The following MCC variants were observed in gnomAD, a reference collection of about 807,000 sequenced individuals.
MCC encodes MCC regulator of Wnt signaling pathway.
A neutral mutation model predicts 116.2 loss-of-function variants in MCC; 90 were observed. That is an observed-to-expected ratio of 0.77 (90% CI 0.65 to 0.92). The LOEUF is 0.92. MCC is among the 40% of genes least tolerant of loss of function. The pLI is 0.00. For missense variants in MCC, 1,516 were observed against 1,312.2 expected (o/e 1.16, Z -2.40); for synonymous variants, 578 against 510.5 (o/e 1.13, Z -1.78).
chr5:113,159,935 A>G (rs935160), intron 3 of MCC, among the ~76,000 whole-genome samples: 138,173 of 152,272 alleles, frequency 0.91, 63,038 homozygotes, highest in Non-Finnish European at 0.96. Flanking sequence ...TGTGTGCCCT[A>G]GATCAACTCA....
At chr5:113,467,571 G>C (rs1771948255) in intron 1 of MCC, among the ~76,000 whole-genome samples, 1 of 152,106 alleles carries the variant, frequency 6.6e-6, no homozygotes, top group African/African-American at 2.4e-5. Context: ...GTACCACGCT[G>C]TTTTGGTTAC....
chr5:113,202,270 G>T (rs1301436118), intron 3 of MCC, among the ~76,000 whole-genome samples: 5 of 152,002 alleles, frequency 3.3e-5, no homozygotes, highest in Admixed American at 1.3e-4. Flanking sequence ...CAATCCCGGG[G>T]TTGTGCTGGA....
chr5:113,100,473 T>TTC, intron 8 of MCC, among the ~76,000 whole-genome samples: 1 of 130,614 alleles, frequency 7.7e-6, no homozygotes, highest in East Asian at 2.1e-4. Flanking sequence ...CCTTTTTTTT[T>TTC]TTTTTTTTTT....
At chr5:113,078,197 C>A (rs558470989) in intron 11 of MCC, among the ~76,000 whole-genome samples, 1 of 152,124 alleles carries the variant, frequency 6.6e-6, no homozygotes, top group South Asian at 2.1e-4. Context: ...CAGGACCAGA[C>A]AGATTCACAG....
intron 2 of MCC, among the ~76,000 whole-genome samples, chr5:113,351,448 A>G (rs1768265843): frequency 6.6e-6 from 1 of 152,194 alleles, no homozygotes; most frequent in African/African-American, 2.4e-5. Flanking sequence ...ACAGAAAGAC[A>G]AATTTCACAT....
At chr5:113,143,467 T>A (rs1170199242) in intron 4 of MCC, 107 bp from the exon 5 acceptor site, 1 of 1,175,456 alleles carries the variant, frequency 8.5e-7, no homozygotes, top group African/African-American at 1.6e-5. Context: ...ACACTGAGTA[T>A]GCCCCAAATA....
At chr5:113,161,077 T>A (rs1760456915) in intron 3 of MCC, among the ~76,000 whole-genome samples, 1 of 152,348 alleles carries the variant, frequency 6.6e-6, no homozygotes, top group South Asian at 2.1e-4. Context: ...AATAAGTTAT[T>A]ATTTTCCACT....
At chr5:113,334,097 AATCT>A (rs141947702) in intron 3 of MCC, among the ~76,000 whole-genome samples, 2,321 of 148,016 alleles carry the variant, frequency 0.016, 133 homozygotes, top group African/African-American at 0.056. Flanking sequence ...TAGCTGACAG[AATCT>A]ATCTAGACAT....
chr5:113,053,694 G>A (rs992866851), intron 15 of MCC, 31 bp downstream of exon 15: 3 of 1,522,478 alleles, frequency 2.0e-6, no homozygotes, highest in African/African-American at 2.7e-5. Flanking sequence ...CCTGGTGGCA[G>A]CCTAGCACAT....
chr5:113,349,197 C>G (rs529294699), intron 2 of MCC, among the ~76,000 whole-genome samples: 1 of 152,106 alleles, frequency 6.6e-6, no homozygotes, highest in Admixed American at 6.5e-5. Context: ...CATACTCATT[C>G]TATGAGGCCA....
At chr5:113,134,555 C>CTTTTTTTTTTTTTTTTTTT in intron 5 of MCC, among the ~76,000 whole-genome samples, 1 of 30,126 alleles carries the variant, frequency 3.3e-5, no homozygotes. Flanking sequence ...GCTATTTGGG[C>CTTTTTTTTTTTTTTTTTTT]TTTTTTTTTT....
intron 1 of MCC, among the ~76,000 whole-genome samples, chr5:113,421,582 CT>C (rs1770335308): frequency 6.6e-6 from 1 of 152,164 alleles, no homozygotes; most frequent in Non-Finnish European, 1.5e-5. Context: ...AAAAACTTCA[CT>C]TTTCCAAGCT....
At chr5:113,391,158 AAGG>A (rs1183224810) in intron 1 of MCC, among the ~76,000 whole-genome samples, 3 of 152,224 alleles carry the variant, frequency 2.0e-5, no homozygotes, top group African/African-American at 7.2e-5. Flanking sequence ...TTTAAGAAAA[AAGG>A]AGAAGAAGTT....
intron 7 of MCC, among the ~76,000 whole-genome samples, chr5:113,102,566 G>A (rs996542113): frequency 6.6e-6 from 1 of 152,160 alleles, no homozygotes; most frequent in African/African-American, 2.4e-5. Flanking sequence ...AGACAGCAGG[G>A]ATTAAATTAA....
At chr5:113,158,500 T>G (rs755390181) in intron 3 of MCC, among the ~76,000 whole-genome samples, 1 of 152,228 alleles carries the variant, frequency 6.6e-6, no homozygotes, top group Non-Finnish European at 1.5e-5. Context: ...TCTGCGAATA[T>G]TCTTGAGAAT....
At chr5:113,271,736 C>T (rs1223636993) in intron 3 of MCC, among the ~76,000 whole-genome samples, 1 of 152,180 alleles carries the variant, frequency 6.6e-6, no homozygotes, top group Non-Finnish European at 1.5e-5. Context: ...GGATTAATGA[C>T]ATTTATCAGG....
At chr5:113,131,667 C>T (rs972836877) in intron 5 of MCC, among the ~76,000 whole-genome samples, 2 of 152,108 alleles carry the variant, frequency 1.3e-5, no homozygotes, top group Non-Finnish European at 2.9e-5. Flanking sequence ...CTGTGATCCC[C>T]TCAGAGATCA....
intron 3 of MCC, among the ~76,000 whole-genome samples, chr5:113,154,763 C>A (rs1256056500): frequency 1.3e-5 from 2 of 152,116 alleles, no homozygotes; most frequent in Non-Finnish European, 2.9e-5. Context: ...AACTTTTTTA[C>A]TGAAATATAA....
chr5:113,132,427 CAT>C (rs1162820789), intron 5 of MCC, among the ~76,000 whole-genome samples: 61,270 of 108,612 alleles, frequency 0.56, 16,790 homozygotes, highest in East Asian at 0.7. Flanking sequence ...TACACACATA[CAT>C]ATATATATAT....
Sources: allele counts gnomAD v4.1 joint callset (sites outside exome capture counted in the v4.1 genomes callset), GRCh38; gene constraint gnomAD v4.1.1; transcripts MANE v1.5; gene names NCBI Gene and HGNC (gene_info 2026-07-23, HGNC 2026-07-21).